PLCE1: variants seen among roughly 807,000 people sequenced by gnomAD.
The protein encoded by PLCE1 is phospholipase C epsilon 1, also known as 1-phosphatidylinositol 4,5-bisphosphate phosphodiesterase epsilon-1.
PLCE1 carries 119 observed loss-of-function variants against 242.8 expected under a neutral mutation model. The observed-to-expected ratio is 0.49, with a 90% CI of 0.42 to 0.57. PLCE1 has a LOEUF of 0.57. Ranked by LOEUF, PLCE1 falls within the 20% of genes least tolerant of loss-of-function variation. PLCE1 has a pLI of 0.00. For synonymous variants in PLCE1, 945 were observed against 1,017.4 expected (o/e 0.93, Z 1.35); for missense variants, 2,441 against 2,788.8 (o/e 0.88, Z 2.81).
chr10:94,079,709 A>G (rs2044602779), intron 2 of PLCE1, among the ~76,000 whole-genome samples: 1 of 152,232 alleles, frequency 6.6e-6, no homozygotes, highest in African/African-American at 2.4e-5. Context: ...CCCTAAGCCA[A>G]CTGGAATTTC....
At chr10:93,996,026 G>A (rs2060812519) in intron 1 of PLCE1, among the ~76,000 whole-genome samples, 1 of 152,230 alleles carries the variant, frequency 6.6e-6, no homozygotes, top group Admixed American at 6.5e-5. Context: ...TACTGTGCAT[G>A]GTGGAAGAGT....
chr10:94,187,670 G>A (rs547976030), intron 4 of PLCE1, among the ~76,000 whole-genome samples: 11 of 152,098 alleles, frequency 7.2e-5, no homozygotes, highest in South Asian at 6.2e-4. Context: ...GGACTCAGCC[G>A]CAGGTCAAAG....
intron 14 of PLCE1, 83 bp downstream of exon 14, chr10:94,262,815 A>G (rs774111473): frequency 1.0e-6 from 1 of 976,228 alleles, no homozygotes; most frequent in Non-Finnish European, 1.7e-6. Flanking sequence ...TATTCTTTCT[A>G]TACTTCTTTC....
intron 2 of PLCE1, among the ~76,000 whole-genome samples, chr10:94,072,108 G>A (rs1335220321): frequency 6.6e-6 from 1 of 152,136 alleles, no homozygotes; most frequent in Admixed American, 6.5e-5. Context: ...AAATGTGCAT[G>A]AGAGAAGTTA....
intron 27 of PLCE1, among the ~76,000 whole-genome samples, chr10:94,312,555 G>C (rs2053419950): frequency 6.6e-6 from 1 of 152,104 alleles, no homozygotes; most frequent in Non-Finnish European, 1.5e-5. Flanking sequence ...CCATTTTTCA[G>C]AAAGCCCTCC....
intron 22 of PLCE1, among the ~76,000 whole-genome samples, chr10:94,291,154 G>A (rs1252909365): frequency 6.6e-6 from 1 of 151,898 alleles, no homozygotes; most frequent in African/African-American, 2.4e-5. Flanking sequence ...TTTTTTTTAA[G>A]TAATTCTTTT....
chr10:94,265,923 C>T lies in PLCE1; in HGVS notation c.4246C>T (p.Leu1416Phe). The stretch of plus-strand genomic sequence containing the variant: ...CAATACCTACCTCACGGGCCATCAG[C>T]TCAAAGGAGAATCCTCGGTAGAACT... The part of the protein sequence containing the change: ...SHNTYLTGHQ[L>F]KGESSVELYS... Residue 1416 changes from leucine to phenylalanine, a missense_variant, in exon 16 of 33, where the codon CTC becomes TTC. Leu to Phe is a conservative substitution (Grantham distance 22, BLOSUM62 0). Coordinates refer to ENST00000371380, the MANE Select transcript of PLCE1 (RefSeq NM_016341.4). 1 of 1,614,074 alleles carries T rather than the reference C, an allele frequency of 6.2e-7. No individual in the cohort carries two copies. The highest frequency in any genetic ancestry group is 1.1e-5 in the South Asian group (1 of 91,082).
intron 4 of PLCE1, among the ~76,000 whole-genome samples, chr10:94,210,862 G>A (rs1336655466): frequency 6.6e-6 from 1 of 152,168 alleles, no homozygotes; most frequent in Non-Finnish European, 1.5e-5. Flanking sequence ...TATTTCTCCT[G>A]TTTTCCTTGT....
intron 1 of PLCE1, among the ~76,000 whole-genome samples, chr10:94,018,686 T>C (rs1298054319): frequency 1.3e-5 from 2 of 152,242 alleles, no homozygotes; most frequent in Non-Finnish European, 2.9e-5. Flanking sequence ...TATTTTGTGG[T>C]ATTAGTTCAT....
rs868095659 is a variant in PLCE1, at chr10:93,993,969, G to A, written c.-654G>A. 6.6e-6 allele frequency among the ~76,000 whole-genome samples: 1 copy of A among 151,284 alleles called. No homozygotes were observed. Among genetic ancestry groups the A allele is most frequent in the Non-Finnish European group, 1.5e-5 (1 of 67,764 alleles). On this transcript the variant is annotated 5_prime_UTR_variant, in exon 1 of 33. Coordinates refer to ENST00000371380, the MANE Select transcript of PLCE1 (RefSeq NM_016341.4). ...ATCTCGGCGGGAGCGGACTGTGAAC[G>A]GCGCGGGTCCACACGGTAACGCTGG...
intron 17 of PLCE1, among the ~76,000 whole-genome samples, chr10:94,269,516 T>C (rs557661225): frequency 1.3e-5 from 2 of 152,184 alleles, no homozygotes; most frequent in African/African-American, 4.8e-5. Context: ...ATGTGGAATG[T>C]GCACATGTTC....
chr10:94,272,929 A>G (rs2133162053), intron 18 of PLCE1, among the ~76,000 whole-genome samples: 1 of 152,204 alleles, frequency 6.6e-6, no homozygotes, highest in East Asian at 1.9e-4. Flanking sequence ...GGCCAGGCCC[A>G]GTGGCTCACA....
At chr10:94,078,639 C>G (rs1223072606) in intron 2 of PLCE1, among the ~76,000 whole-genome samples, 1 of 152,148 alleles carries the variant, frequency 6.6e-6, no homozygotes, top group Non-Finnish European at 1.5e-5. Flanking sequence ...GCACCCACCA[C>G]CATGCCCGGA....
At chr10:94,156,759 C>A (rs2047446004) in intron 3 of PLCE1, among the ~76,000 whole-genome samples, 1 of 152,052 alleles carries the variant, frequency 6.6e-6, no homozygotes, top group Non-Finnish European at 1.5e-5. Flanking sequence ...TGGTGCCCAG[C>A]CCTCGTCTTG....
chr10:94,171,192 G>T lies in PLCE1; in HGVS notation c.1505G>T (p.Gly502Val). ...TGCTTTGTTTTAGAACGCCAGCCAG[G>T]CCCCTCTGTGGCCAATTCCAATGCC... ...GRMMLKERQP[G>V]PSVANSNALP... Residue 502 changes from glycine to valine, a missense_variant, in exon 4 of 33, where the codon GGC (glycine) becomes GTC (valine). Transcript: ENST00000371380. The T allele has an allele frequency of 6.2e-7, 1 of 1,614,112 alleles. No homozygotes were observed. Among genetic ancestry groups the T allele is most frequent in the Non-Finnish European group, 8.5e-7 (1 of 1,179,986 alleles).
At chr10:94,037,658 A>T (rs2061689824) in intron 2 of PLCE1, among the ~76,000 whole-genome samples, 1 of 152,130 alleles carries the variant, frequency 6.6e-6, no homozygotes, top group African/African-American at 2.4e-5. Flanking sequence ...GCTCCTGTGC[A>T]GTTTAGTCAT....
chr10:94,059,103 T>A (rs1018814357), intron 2 of PLCE1, among the ~76,000 whole-genome samples: 2 of 152,134 alleles, frequency 1.3e-5, no homozygotes, highest in African/African-American at 4.8e-5. Context: ...TTTGACTGGA[T>A]AGACACAGTC....
Position 94,227,411 on chromosome 10 carries a change from G to A in PLCE1, c.1915G>A (p.Gly639Ser), listed in dbSNP as rs765752967. 6.2e-7 allele frequency: 1 copy of A among 1,613,988 alleles called. No homozygotes were observed. The highest frequency in any genetic ancestry group is 1.1e-5 in the South Asian group (1 of 91,064). ...VHVAKCCWNM[G>S]NYNAVMEFLA... is the part of the protein sequence containing the mutation. ...TGTGGCCAAATGCTGCTGGAACATGGGCAACTACAACGCTGTCATGGAGTT... is the reference window on the plus strand; with the variant it reads ...TGTGGCCAAATGCTGCTGGAACATGAGCAACTACAACGCTGTCATGGAGTT... Residue 639 changes from glycine (G) to serine (S), a missense_variant, in exon 5 of 33, where the codon GGC (glycine) becomes AGC (serine). Gly to Ser is a moderately conservative substitution (Grantham distance 56). Coordinates refer to ENST00000371380, the MANE Select transcript of PLCE1 (RefSeq NM_016341.4).
At chr10:94,201,297 A>C (rs760356017) in intron 4 of PLCE1, among the ~76,000 whole-genome samples, 2 of 152,202 alleles carry the variant, frequency 1.3e-5, no homozygotes, top group Non-Finnish European at 2.9e-5. Context: ...ATGGGACAGC[A>C]GTCCCTACCC....
Sources: allele counts gnomAD v4.1 joint callset (sites outside exome capture counted in the v4.1 genomes callset), GRCh38; gene constraint gnomAD v4.1.1; transcripts MANE v1.5; gene names NCBI Gene and HGNC (gene_info 2026-07-23, HGNC 2026-07-21).